Variants in PLCG2 observed in about 807,000 individuals in gnomAD.
PLCG2 encodes 1-phosphatidylinositol 4,5-bisphosphate phosphodiesterase gamma-2.
Under a neutral mutation model 175.6 loss-of-function variants are expected in PLCG2, and 69 were observed. The ratio of observed to expected loss-of-function variants is 0.39; its 90% CI spans 0.32 to 0.48. PLCG2 has a LOEUF of 0.48. Ranked by LOEUF, PLCG2 falls within the 20% of genes least tolerant of loss-of-function variation. PLCG2 has a pLI of 0.91. For synonymous variants in PLCG2, 827 were observed against 624.0 expected (o/e 1.33, Z -4.85); for missense variants, 1,798 against 1,650.9 (o/e 1.09, Z -1.54).
intron 2 of PLCG2, among the ~76,000 whole-genome samples, chr16:81,812,140 C>G (rs1327178289): frequency 6.7e-6 from 1 of 149,372 alleles, no homozygotes; most frequent in Non-Finnish European, 1.5e-5. Context: ...AGCTCCGCCT[C>G]CTGGGTTCAC....
chr16:81,892,100 G>C (rs1908664543), intron 11 of PLCG2, among the ~76,000 whole-genome samples: 1 of 152,194 alleles, frequency 6.6e-6, no homozygotes, highest in Admixed American at 6.5e-5. Flanking sequence ...GTAAGGCAAG[G>C]AGAAGTGTTT....
intron 2 of PLCG2, among the ~76,000 whole-genome samples, chr16:81,834,355 C>A (rs538192415): frequency 1.3e-5 from 2 of 152,030 alleles, no homozygotes; most frequent in Non-Finnish European, 2.9e-5. Context: ...ATTGTGAGGG[C>A]GGTCTGTGTG....
chr16:81,771,840 A>G (rs778551298), intron 2 of PLCG2, among the ~76,000 whole-genome samples: 1 of 152,088 alleles, frequency 6.6e-6, no homozygotes, highest in African/African-American at 2.4e-5. Context: ...CTGGAGTGCC[A>G]GGGCAGGATC....
chr16:81,927,237 A>C, intron 23 of PLCG2, 59 bp downstream of exon 23: 1 of 1,176,926 alleles, frequency 8.5e-7, no homozygotes, highest in African/African-American at 1.5e-5. Flanking sequence ...CCAGTTTTTC[A>C]GGGAGCTGTG....
intron 2 of PLCG2, among the ~76,000 whole-genome samples, chr16:81,814,669 T>C (rs2143308183): frequency 6.6e-6 from 1 of 151,814 alleles, no homozygotes; most frequent in African/African-American, 2.4e-5. Context: ...CACTCCAGCC[T>C]GGGCAACAGT....
At chr16:81,875,637 T>C (rs775676255) in intron 7 of PLCG2, among the ~76,000 whole-genome samples, 1 of 152,222 alleles carries the variant, frequency 6.6e-6, no homozygotes, top group Non-Finnish European at 1.5e-5. Context: ...GCGTATCAGG[T>C]CATCTGCCAA....
intron 7 of PLCG2, among the ~76,000 whole-genome samples, chr16:81,879,188 C>T (rs141743621): frequency 1.6e-4 from 25 of 152,246 alleles, no homozygotes; most frequent in Non-Finnish European, 2.2e-4. Context: ...ACACTGGGCT[C>T]CCTCCAGATG....
At chr16:81,834,774 C>G (rs1291190827) in intron 2 of PLCG2, among the ~76,000 whole-genome samples, 2 of 152,220 alleles carry the variant, frequency 1.3e-5, no homozygotes, top group East Asian at 1.9e-4. Context: ...CGAGGACAAT[C>G]TCCTTTAACA....
chr16:81,910,222 C>G (rs1438957078), intron 17 of PLCG2, among the ~76,000 whole-genome samples: 1 of 152,148 alleles, frequency 6.6e-6, no homozygotes, highest in Non-Finnish European at 1.5e-5. Flanking sequence ...TCCCAAGTAG[C>G]TGGGATTACA....
chr16:81,844,347 C>T (rs1179872793), intron 2 of PLCG2, among the ~76,000 whole-genome samples: 1 of 148,848 alleles, frequency 6.7e-6, no homozygotes, highest in Non-Finnish European at 1.5e-5. Context: ...TGGAGTTTCA[C>T]TCTTGTTGCC....
chr16:81,783,155 G>A, intron 1 of PLCG2: 1 of 489,736 alleles, frequency 2.0e-6, no homozygotes, highest in Non-Finnish European at 4.1e-6. Context: ...AATGGGGCTT[G>A]TGTTTCCTAC....
chr16:81,929,274 T>C (rs1195529124), intron 24 of PLCG2, among the ~76,000 whole-genome samples: 1 of 152,210 alleles, frequency 6.6e-6, no homozygotes, highest in Non-Finnish European at 1.5e-5. Flanking sequence ...GGCCTCCTTG[T>C]TCTGGGCAGC....
rs1031241354 is a variant in PLCG2 at position 81,956,798 on chromosome 16, A to G, written c.3674A>G (p.Asn1225Ser). The change falls in exon 32 of 33, where the codon AAT becomes AGT. Residue 1225 changes from asparagine to serine, a missense_variant. Transcript: ENST00000564138. ...TATGACACACACCAGAACTTGCGCA[A>G]TGCCAACCGGGATGCCCTGGTTAAA... is the stretch of plus-strand genomic sequence containing the variant. ...FLYDTHQNLR[N>S]ANRDALVKEF... The G allele has an allele frequency of 1.2e-6, 2 of 1,614,062 alleles. No homozygotes were observed. Among genetic ancestry groups the G allele is most frequent in the Non-Finnish European group, 1.7e-6 (2 of 1,180,014 alleles).
chr16:81,817,819 G>A (rs1904618005), intron 2 of PLCG2, among the ~76,000 whole-genome samples: 1 of 152,198 alleles, frequency 6.6e-6, no homozygotes, highest in Non-Finnish European at 1.5e-5. Flanking sequence ...TTATTGATAA[G>A]TTATTACATG....
At chr16:81,806,297 G>C (rs1198741074) in intron 2 of PLCG2, among the ~76,000 whole-genome samples, 2 of 151,954 alleles carry the variant, frequency 1.3e-5, no homozygotes, top group Non-Finnish European at 2.9e-5. Flanking sequence ...CATTCTCCAT[G>C]TGGCAGGTAC....
rs536744662 is a variant in PLCG2 at position 81,749,273 on chromosome 16, T to A, written c.-144-6597T>A. On this transcript the variant is annotated intron_variant, in intron 1 of 5. Coordinates refer to the PLCG2 transcript ENST00000565054. ...CTATAATCCCTGAAGATGTAGATTTTAAAAAATCACTTGATTGATTTTTGT... is the reference window on the plus strand; with the variant it reads ...CTATAATCCCTGAAGATGTAGATTTAAAAAAATCACTTGATTGATTTTTGT... Among the ~76,000 whole-genome samples, 187 of 152,326 alleles carry A rather than the reference T, an allele frequency of 1.2e-3. 1 individual carries two copies. Among genetic ancestry groups the A allele is most frequent in the Non-Finnish European group, 2.3e-3 (155 of 68,028 alleles).
rs776078043 is a variant in PLCG2, at chr16:81,927,134, G to A, written c.2470G>A (p.Val824Ile). Residue 824 changes from valine (V) to isoleucine (I), a missense_variant, in exon 23 of 33, where the codon GTC becomes ATC. Val to Ile is a conservative substitution (Grantham distance 29). Coordinates refer to ENST00000564138, the MANE Select transcript of PLCG2 (RefSeq NM_002661.5). ...RIQQYFPSNYVEDISTADFEE... is the reference protein window; with the variant it reads ...RIQQYFPSNYIEDISTADFEE... ...CCAGCAGTACTTCCCATCCAACTAC[G>A]TCGAGGACATCTCAACTGCAGACTT... 7.4e-6 allele frequency: 12 copies of A among 1,613,996 alleles called. No individual in the cohort carries two copies. The highest frequency in any genetic ancestry group is 4.4e-5 in the South Asian group (4 of 91,082).
upstream of PLCG2, among the ~76,000 whole-genome samples, chr16:81,774,617 G>C (rs1031821263): frequency 1.3e-5 from 2 of 152,144 alleles, no homozygotes; most frequent in Non-Finnish European, 2.9e-5. Context: ...TTGGCTGTGG[G>C]GGTAGAGGGG....
intron 2 of PLCG2, among the ~76,000 whole-genome samples, chr16:81,768,980 C>G (rs1910214297): frequency 6.6e-6 from 1 of 152,202 alleles, no homozygotes. Context: ...CTTTCATCTC[C>G]TTATCCTCAG....
Sources: allele counts gnomAD v4.1 joint callset (sites outside exome capture counted in the v4.1 genomes callset), GRCh38; gene constraint gnomAD v4.1.1; transcripts MANE v1.5; gene names NCBI Gene and HGNC (gene_info 2026-07-23, HGNC 2026-07-21).